The following ADGRF5 variants were observed in gnomAD, a reference collection of about 807,000 sequenced individuals.
ADGRF5 encodes the protein G-protein coupled receptor 116.
In ADGRF5, 75 loss-of-function variants were observed where a neutral mutation model predicts 132.3. That is an observed-to-expected ratio of 0.57 (90% CI 0.47 to 0.69). ADGRF5 has a LOEUF of 0.69. ADGRF5 is among the 30% of genes least tolerant of loss of function. The pLI, the probability that ADGRF5 is intolerant of heterozygous loss-of-function variation, is 0.00. For missense variants in ADGRF5, 1,516 were observed against 1,630.6 expected (o/e 0.93, Z 1.21); for synonymous variants, 629 against 597.6 (o/e 1.05, Z -0.77).
In ADGRF5 at chr6:46,878,225, T is replaced by A; in HGVS notation, c.1217A>T (p.Gln406Leu). ...NVNWSKVEWK[Q>L]EGKINIPGTP... ...ACCTGGAATATTTATTTTTCCTTCC[T>A]GCTTCCATTCTACTTTGCTCCAATT... The change falls in exon 10 of 21, where the codon CAG becomes CTG. Residue 406 changes from glutamine to leucine, a missense_variant. Gln to Leu is a moderately radical substitution (Grantham distance 113). Coordinates refer to ENST00000283296, the MANE Select transcript of ADGRF5 (RefSeq NM_001098518.2). The A allele has an allele frequency of 6.2e-7, 1 of 1,612,572 alleles. No individual in the cohort carries two copies. Among genetic ancestry groups the A allele is most frequent in the Non-Finnish European group, 8.5e-7 (1 of 1,178,582 alleles).
intron 20 of ADGRF5, 40 bp downstream of exon 20, chr6:46,855,934 G>T: frequency 1.7e-6 from 2 of 1,189,536 alleles, no homozygotes; most frequent in Non-Finnish European, 2.5e-6. Context: ...GAGCAAATGT[G>T]TTCTGGACAA....
In ADGRF5 at chr6:46,858,384, C is replaced by A. The variant is rs781698176; in HGVS notation, c.3519G>T (p.Leu1173=). 3 of 1,613,856 alleles carry A rather than the reference C, an allele frequency of 1.9e-6. No homozygotes were observed. Among genetic ancestry groups the A allele is most frequent in the Non-Finnish European group, 2.5e-6 (3 of 1,179,928 alleles). ...WLNWEDTKAL[L]AFAIPALIIV... is the part of the protein sequence containing the mutation. The stretch of plus-strand genomic sequence containing the variant: ...TGATCAGTGCTGGGATGGCGAAAGC[C>A]AGCAGGGCCTTGGTGTCCTCCCAGT... The change falls in exon 17 of 21, where the codon CTG becomes CTT. Residue 1173 remains leucine (L), a synonymous_variant. Transcript: ENST00000283296.
chr6:46,904,920 G>A (rs763339556), intron 2 of ADGRF5, among the ~76,000 whole-genome samples: 1 of 151,718 alleles, frequency 6.6e-6, no homozygotes, highest in African/African-American at 2.4e-5. Context: ...AAAGAAAAGT[G>A]GGGTCCTTTG....
chr6:46,953,280 G>T (rs531913277), intron 1 of ADGRF5, among the ~76,000 whole-genome samples: 1 of 152,146 alleles, frequency 6.6e-6, no homozygotes, highest in Admixed American at 6.5e-5. Flanking sequence ...GCTAGTCCTT[G>T]GACTACACTT....
At chr6:46,901,076 G>A (rs748319961) in intron 2 of ADGRF5, among the ~76,000 whole-genome samples, 2 of 152,144 alleles carry the variant, frequency 1.3e-5, no homozygotes, top group Non-Finnish European at 2.9e-5. Flanking sequence ...TATTCAGGGA[G>A]GGGGCATCAA....
chr6:46,918,098 G>A (rs1417375744), intron 1 of ADGRF5, among the ~76,000 whole-genome samples: 2 of 152,218 alleles, frequency 1.3e-5, no homozygotes, highest in Non-Finnish European at 2.9e-5. Flanking sequence ...TTACCTTTTA[G>A]GAAGCCGGGA....
chr6:46,932,986 G>A (rs1446821029), intron 1 of ADGRF5, among the ~76,000 whole-genome samples: 6 of 152,204 alleles, frequency 3.9e-5, no homozygotes, highest in Non-Finnish European at 8.8e-5. Flanking sequence ...GAAACTCAGC[G>A]CCAAGAAATG....
In ADGRF5 at chr6:46,876,688, C is replaced by T. The variant is rs186472917; in HGVS notation, c.1240+1514G>A. On this transcript the variant is annotated intron_variant, in intron 10 of 20. Transcript: ENST00000283296. ...GCATGATCTCTGCTCACTGCAACCT[C>T]GGCCTCTCGGGTTCAAGTGATTCTC... Among the ~76,000 whole-genome samples the T allele has an allele frequency of 3.5e-4, 53 of 152,272 alleles. No individual in the cohort carries two copies. The East Asian group carries it at 8.5e-3, about 24-fold the overall frequency.
At chr6:46,917,313 G>A (rs553278122) in intron 1 of ADGRF5, among the ~76,000 whole-genome samples, 3 of 152,246 alleles carry the variant, frequency 2.0e-5, no homozygotes, top group Middle Eastern at 3.4e-3. Context: ...TGCATGAACC[G>A]CATTTCTCTC....
intron 1 of ADGRF5, among the ~76,000 whole-genome samples, chr6:46,941,448 AAAG>A (rs1778076322): frequency 2.4e-5 from 1 of 41,452 alleles, no homozygotes; most frequent in African/African-American, 7.0e-5. Flanking sequence ...AAAGAAAAGA[AAAG>A]AAAAGAAAAG....
At chr6:46,862,376 T>C (rs1246115503) in intron 15 of ADGRF5, among the ~76,000 whole-genome samples, 2 of 152,190 alleles carry the variant, frequency 1.3e-5, no homozygotes, top group Non-Finnish European at 2.9e-5. Context: ...ACCTCTATTA[T>C]AGGTAAGAGA....
intron 20 of ADGRF5, 27 bp from the exon 21 acceptor site, chr6:46,854,098 T>C (rs755884882): frequency 6.5e-7 from 1 of 1,535,994 alleles, no homozygotes; most frequent in Non-Finnish European, 8.9e-7. Context: ...CAACTCAGCC[T>C]TGAAGACAAG....
chr6:46,876,268 T>C (rs1771641172), intron 10 of ADGRF5, among the ~76,000 whole-genome samples: 2 of 152,234 alleles, frequency 1.3e-5, no homozygotes, highest in Admixed American at 1.3e-4. Flanking sequence ...TCCATTGTTC[T>C]GCAGTCATTC....
At chr6:46,903,215 G>A (rs551299576) in intron 2 of ADGRF5, among the ~76,000 whole-genome samples, 123 of 150,252 alleles carry the variant, frequency 8.2e-4, no homozygotes, top group African/African-American at 3.0e-3. Flanking sequence ...TCTCACAAGG[G>A]AGCACAGGTT....
chr6:46,870,754 G>C (rs1164496923), intron 11 of ADGRF5: 3 of 394,520 alleles, frequency 7.6e-6, no homozygotes, highest in African/African-American at 2.1e-5. Flanking sequence ...ATGTCCCTAA[G>C]ACAGGTCCCA....
chr6:46,924,988 T>G (rs1456620253), upstream of ADGRF5, among the ~76,000 whole-genome samples: 4 of 152,200 alleles, frequency 2.6e-5, no homozygotes, highest in Non-Finnish European at 5.9e-5. Context: ...CATCTCCTCT[T>G]GTCACTTATA....
intron 1 of ADGRF5, among the ~76,000 whole-genome samples, chr6:46,919,058 T>C (rs977579875): frequency 6.6e-6 from 1 of 152,196 alleles, no homozygotes; most frequent in Admixed American, 6.5e-5. Flanking sequence ...GTTAAGTTCC[T>C]AGGGTGACGC....
Position 46,869,018 on chromosome 6 carries a change from C to A in ADGRF5, c.1486G>T (p.Val496Leu), listed in dbSNP as rs750649255. Residue 496 changes from valine to leucine, a missense_variant, in exon 12 of 21, where the codon GTG becomes TTG. Transcript: ENST00000283296. The stretch of plus-strand genomic sequence containing the variant: ...CAATAAACCTCATCATAGTTACTCA[C>A]ATCACTGATGCATTTTATAGAAAAG... ...QNFSIKCISD[V>L]SNYDEVYWNT... 6.2e-7 allele frequency: 1 copy of A among 1,613,532 alleles called. No homozygotes were observed. The highest frequency in any genetic ancestry group is 1.1e-5 in the South Asian group (1 of 91,050).
At chr6:46,898,780 A>G (rs1312675338) in intron 3 of ADGRF5, among the ~76,000 whole-genome samples, 1 of 152,200 alleles carries the variant, frequency 6.6e-6, no homozygotes, top group Non-Finnish European at 1.5e-5. Flanking sequence ...CACTAGATCA[A>G]GTCACACATG....
Sources: allele counts gnomAD v4.1 joint callset (sites outside exome capture counted in the v4.1 genomes callset), GRCh38; gene constraint gnomAD v4.1.1; transcripts MANE v1.5; gene names NCBI Gene and HGNC (gene_info 2026-07-23, HGNC 2026-07-21).